The following CNOT4 variants were observed in gnomAD, a reference collection of about 807,000 sequenced individuals.
CNOT4 encodes CCR4-associated factor 4.
A neutral mutation model predicts 73.8 loss-of-function variants in CNOT4; 8 were observed. That is an observed-to-expected ratio of 0.11 (90% CI 0.06 to 0.20). CNOT4 has a LOEUF of 0.20. CNOT4 is among the 10% of genes least tolerant of loss of function. The probability of loss-of-function intolerance (pLI) is 1.00; values close to 1 mark genes in which losing one functional copy is unlikely to be tolerated. For synonymous variants in CNOT4, 293 were observed against 321.1 expected, an observed-to-expected ratio of 0.91 and a Z score of 0.94; for missense variants, 564 against 883.4, an observed-to-expected ratio of 0.64 and a Z score of 4.58.
chr7:135,385,283 C>T (rs1796063455), intron 10 of CNOT4, among the ~76,000 whole-genome samples: 1 of 152,248 alleles, frequency 6.6e-6, no homozygotes, highest in South Asian at 2.1e-4. Flanking sequence ...CCAAGCTTAC[C>T]AGTCCCTGAA....
At chr7:135,395,533 G>C in intron 9 of CNOT4, 101 bp downstream of exon 9, 1 of 1,304,462 alleles carries the variant, frequency 7.7e-7, no homozygotes, top group Non-Finnish European at 1.1e-6. Flanking sequence ...AGAGAACAGA[G>C]AGGCAAAAGA....
At chr7:135,412,992 G>A (rs1304622327) in intron 6 of CNOT4, among the ~76,000 whole-genome samples, 1 of 151,948 alleles carries the variant, frequency 6.6e-6, no homozygotes, top group Non-Finnish European at 1.5e-5. Flanking sequence ...CACTTGCATG[G>A]GGAGAATAAT....
At chr7:135,371,982 T>C (rs547234631) in intron 10 of CNOT4, among the ~76,000 whole-genome samples, 22 of 152,254 alleles carry the variant, frequency 1.4e-4, no homozygotes, top group Non-Finnish European at 2.5e-4. Flanking sequence ...CAAAGCCCTG[T>C]GAGGAGATCC....
intron 2 of CNOT4, among the ~76,000 whole-genome samples, chr7:135,424,612 A>C (rs1021310477): frequency 6.6e-6 from 1 of 151,908 alleles, no homozygotes; most frequent in Admixed American, 6.6e-5. Flanking sequence ...TGGTAAAACC[A>C]TGTCTCTACC....
chr7:135,485,827 C>G (rs1802685682), intron 1 of CNOT4, among the ~76,000 whole-genome samples: 1 of 152,150 alleles, frequency 6.6e-6, no homozygotes, highest in African/African-American at 2.4e-5. Context: ...AAGTATAAAA[C>G]TTTTAGGAAA....
chr7:135,418,712 G>C (rs1299239926), intron 3 of CNOT4, among the ~76,000 whole-genome samples: 2 of 152,006 alleles, frequency 1.3e-5, no homozygotes, highest in Admixed American at 6.6e-5. Context: ...CATCAAACAA[G>C]CTACTTTCCT....
rs1796459286 is a variant in CNOT4 at position 135,392,625 on chromosome 7, C to T, written c.1627+1293G>A. Among the ~76,000 whole-genome samples, 3 of 152,104 alleles carry T rather than the reference C, an allele frequency of 2.0e-5. No homozygotes were observed. The South Asian group carries it at 6.2e-4, about 32-fold the overall frequency. On this transcript the variant is annotated intron_variant, in intron 10 of 11. Transcript: ENST00000541284. ...AAGAAGAGGACTGAAAAATGTCACT[C>T]TGGTTACCTACTAACTACCATAATT...
chr7:135,410,559 A>G lies in CNOT4; in HGVS notation c.777T>C (p.Val259=). ...PNFLQLSTGS[V]DKNKNKVTPL... ...GTGTCACTTTGTTCTTATTTTTATC[A>G]ACTGAACCCGTAGATAGCTGAAGAA... is the stretch of plus-strand genomic sequence containing the variant. The change falls in exon 7 of 12, where the codon GTT becomes GTC. Residue 259 remains valine, a synonymous_variant. Coordinates refer to ENST00000541284, the MANE Select transcript of CNOT4 (RefSeq NM_001190850.2). The G allele has an allele frequency of 6.4e-7, 1 of 1,573,664 alleles. No homozygotes were observed. The highest frequency in any genetic ancestry group is 2.4e-5 in the East Asian group (1 of 42,046).
intron 1 of CNOT4, among the ~76,000 whole-genome samples, chr7:135,496,092 T>C (rs1803560345): frequency 6.6e-6 from 1 of 152,172 alleles, no homozygotes; most frequent in Non-Finnish European, 1.5e-5. Context: ...TAAATAGTTT[T>C]TGTTTTTTTG....
At chr7:135,399,692 G>T (rs988993019) in intron 7 of CNOT4, among the ~76,000 whole-genome samples, 3 of 152,032 alleles carry the variant, frequency 2.0e-5, no homozygotes, top group Middle Eastern at 6.8e-3. Context: ...TCTAACAAGG[G>T]TTAGTACCCA....
chr7:135,424,168 T>C (rs1260457712), intron 2 of CNOT4, among the ~76,000 whole-genome samples: 3 of 151,996 alleles, frequency 2.0e-5, no homozygotes, highest in Admixed American at 1.3e-4. Context: ...TAAGGTAAGT[T>C]CAGTTCCTCA....
intron 2 of CNOT4, among the ~76,000 whole-genome samples, chr7:135,426,329 A>C (rs933365097): frequency 2.0e-5 from 3 of 152,012 alleles, no homozygotes; most frequent in Non-Finnish European, 4.4e-5. Flanking sequence ...AAGGCTGGGC[A>C]CGGTGGCTCA....
At chr7:135,379,673 G>A (rs1285049081) in intron 10 of CNOT4, among the ~76,000 whole-genome samples, 1 of 152,010 alleles carries the variant, frequency 6.6e-6, no homozygotes, top group African/African-American at 2.4e-5. Flanking sequence ...GTGGAACTAT[G>A]GCTGTAACCA....
At chr7:135,444,087 C>A (rs1799658617) in intron 1 of CNOT4, among the ~76,000 whole-genome samples, 1 of 151,398 alleles carries the variant, frequency 6.6e-6, no homozygotes, top group African/African-American at 2.4e-5. Context: ...TGCAGTGAGC[C>A]GTGATGTGGC....
At chr7:135,405,423 G>C (rs1797226862) in intron 7 of CNOT4, among the ~76,000 whole-genome samples, 1 of 152,038 alleles carries the variant, frequency 6.6e-6, no homozygotes, top group Non-Finnish European at 1.5e-5. Context: ...AGCCTACCTA[G>C]TTACTATTCC....
intron 3 of CNOT4, among the ~76,000 whole-genome samples, chr7:135,421,618 G>A (rs912307973): frequency 3.3e-5 from 5 of 152,084 alleles, no homozygotes; most frequent in Non-Finnish European, 5.9e-5. Flanking sequence ...AAAGAAATTG[G>A]GTCCTTTATT....
intron 1 of CNOT4, among the ~76,000 whole-genome samples, chr7:135,485,321 C>T (rs549941262): frequency 6.6e-6 from 1 of 152,280 alleles, no homozygotes; most frequent in Non-Finnish European, 1.5e-5. Context: ...CCACCTGCCT[C>T]GGCCTCCCAA....
intron 2 of CNOT4, among the ~76,000 whole-genome samples, chr7:135,424,318 T>A (rs1242316948): frequency 6.6e-6 from 1 of 152,186 alleles, no homozygotes; most frequent in African/African-American, 2.4e-5. Flanking sequence ...TTTAATCCCT[T>A]GAAGCTATTT....
At chr7:135,394,464 C>T (rs1024025589) in intron 9 of CNOT4, 49 bp from the exon 10 acceptor site, 2 of 1,439,026 alleles carry the variant, frequency 1.4e-6, no homozygotes, top group African/African-American at 2.8e-5. Flanking sequence ...AGCTCATTTT[C>T]ATACTTAATA....
Sources: allele counts gnomAD v4.1 joint callset (sites outside exome capture counted in the v4.1 genomes callset), GRCh38; gene constraint gnomAD v4.1.1; transcripts MANE v1.5; gene names NCBI Gene and HGNC (gene_info 2026-07-23, HGNC 2026-07-21).